CNOT1: variants seen among roughly 807,000 people sequenced by gnomAD.
CNOT1 encodes CCR4-associated factor 1.
A neutral mutation model predicts 273.8 loss-of-function variants in CNOT1; 15 were observed. The observed-to-expected ratio is 0.05, with a 90% CI of 0.04 to 0.08. The LOEUF (loss-of-function observed/expected upper bound fraction) is 0.08. Among genes scored for constraint, CNOT1 ranks in the 10% least tolerant of loss-of-function variants. CNOT1 has a pLI of 1.00. For synonymous variants in CNOT1, 1,022 were observed against 1,005.5 expected (o/e 1.02, Z -0.31); for missense variants, 1,644 against 2,912.2 (o/e 0.56, Z 10.02).
Position 58,617,594 on chromosome 16 carries a change from A to G in CNOT1, c.-175+12134T>C, listed in dbSNP as rs148670079. Among the ~76,000 whole-genome samples, 306 of 152,314 alleles carry G rather than the reference A, an allele frequency of 2.0e-3. 1 individual carries two copies. The highest frequency in any genetic ancestry group is 7.2e-3 in the African/African-American group (299 of 41,584). ...TAGTCTCAAGCATTTAAGATAAGCG[A>G]TATTCAACCTCTATCGCCAACAAAG... is the stretch of plus-strand genomic sequence containing the variant. On this transcript the variant is annotated intron_variant, in intron 1 of 48. Transcript: ENST00000317147.
At chr16:58,535,757 G>A (rs112764979) in intron 39 of CNOT1, among the ~76,000 whole-genome samples, 2,000 of 150,528 alleles carry the variant, frequency 0.013, 47 homozygotes, top group African/African-American at 0.047. Context: ...TTTTTGAGAC[G>A]GAGCCTCGCT....
intron 31 of CNOT1, chr16:58,543,272 C>T: frequency 6.5e-7 from 1 of 1,545,502 alleles, no homozygotes; most frequent in Non-Finnish European, 8.7e-7. Context: ...TATCGGCCTT[C>T]TCAAACAGCT....
chr16:58,583,861 A>T (rs1414659578), intron 8 of CNOT1, among the ~76,000 whole-genome samples: 1 of 151,882 alleles, frequency 6.6e-6, no homozygotes, highest in Admixed American at 6.6e-5. Flanking sequence ...TAAAACAGGC[A>T]AACAATTTTA....
chr16:58,565,647 T>A (rs983461247), intron 16 of CNOT1, among the ~76,000 whole-genome samples: 1 of 152,136 alleles, frequency 6.6e-6, no homozygotes, highest in African/African-American at 2.4e-5. Context: ...TTTATTTTTT[T>A]AAGTACAACT....
rs56149974 is a variant in CNOT1, at chr16:58,522,237, CAAAAAAAAAAAAAAA to C, written c.6918-935_6918-921del. On this transcript the variant is annotated intron_variant, in intron 47 of 48. Transcript: ENST00000317147. The stretch of plus-strand genomic sequence containing the variant: ...AGGAGGCGACAAAGCGAGACTGTCT[CAAAAAAAAAAAAAAA>C]AAAAAAAAAAAAAAAGCTAACATTG... Among the ~76,000 whole-genome samples the C allele has an allele frequency of 8.0e-3, 784 of 98,614 alleles. 9 individuals are homozygous for C. Among genetic ancestry groups the C allele is most frequent in the African/African-American group, 0.029 (677 of 23,662 alleles). The allele number at this position is 98,614 out of a possible 152,430, so 64.7% of individuals were successfully genotyped here.
intron 1 of CNOT1, among the ~76,000 whole-genome samples, chr16:58,624,275 T>C (rs1053204754): frequency 6.6e-6 from 1 of 152,146 alleles, no homozygotes; most frequent in African/African-American, 2.4e-5. Context: ...GCTTGCTTGA[T>C]GCGCAGGGGA....
chr16:58,596,381 T>C (rs1465684203), intron 2 of CNOT1, among the ~76,000 whole-genome samples: 1 of 152,190 alleles, frequency 6.6e-6, no homozygotes, highest in Non-Finnish European at 1.5e-5. Context: ...ATCTTCCTTA[T>C]CTTTCTCTGT....
rs750252179 is a variant in CNOT1, at chr16:58,587,427, A to C, written c.310-14T>G. Reference sequence around the variant, plus strand: ...AGGCTTTAAACTCTGAAACAAACCAAATTTTAGTTTAAAATAAGAACTTAC... The same window carrying C: ...AGGCTTTAAACTCTGAAACAAACCACATTTTAGTTTAAAATAAGAACTTAC... On this transcript the variant is annotated splice_polypyrimidine_tract_variant and intron_variant, in intron 4 of 48. Transcript: ENST00000317147. 1 of 1,610,974 alleles carries C rather than the reference A, an allele frequency of 6.2e-7. No individual in the cohort carries two copies. Among genetic ancestry groups the C allele is most frequent in the Non-Finnish European group, 8.5e-7 (1 of 1,179,584 alleles).
At position 58,575,120 on chromosome 16, in the gene CNOT1, T is replaced by A; in HGVS notation, c.1714A>T (p.Met572Leu). 6.2e-7 allele frequency: 1 copy of A among 1,613,746 alleles called. No homozygotes were observed. The highest frequency in any genetic ancestry group is 8.5e-7 in the Non-Finnish European group (1 of 1,179,950). Residue 572 changes from methionine (M) to leucine (L), a missense_variant, in exon 15 of 49, where the codon ATG becomes TTG. Transcript: ENST00000317147. ...DVAQDLKALS[M>L]LLNGTPFAFV... ...GCAAATGGAGTACCATTTAGCAGCA[T>A]TGACAAGGCCTAAAGGACAAAGCAC...
chr16:58,611,378 G>A (rs950041294), intron 1 of CNOT1, among the ~76,000 whole-genome samples: 7 of 151,962 alleles, frequency 4.6e-5, no homozygotes, highest in Admixed American at 6.6e-5. Flanking sequence ...ACAGGGAGCC[G>A]AGACCACGCC....
intron 1 of CNOT1, among the ~76,000 whole-genome samples, chr16:58,612,012 T>C (rs1431276861): frequency 6.7e-6 from 1 of 148,472 alleles, no homozygotes; most frequent in East Asian, 2.0e-4. Flanking sequence ...TTATCCAGGC[T>C]GGAGTCTAGT....
At chr16:58,542,915 G>A (rs1309585875) in intron 31 of CNOT1, among the ~76,000 whole-genome samples, 1 of 152,052 alleles carries the variant, frequency 6.6e-6, no homozygotes, top group African/African-American at 2.4e-5. Flanking sequence ...ACATGGTGAA[G>A]CCACTTCTCT....
At chr16:58,527,777 G>C (rs918710479) in intron 44 of CNOT1, 2 of 181,604 alleles carry the variant, frequency 1.1e-5, no homozygotes, top group African/African-American at 2.4e-5. Context: ...AATAGCAAGG[G>C]ACCAAGGAAC....
At chr16:58,550,375 C>A (rs1035534424) in intron 24 of CNOT1, among the ~76,000 whole-genome samples, 1 of 152,174 alleles carries the variant, frequency 6.6e-6, no homozygotes, top group African/African-American at 2.4e-5. Context: ...ATTAATACCT[C>A]CACTACCTCG....
At position 58,525,183 on chromosome 16, in the gene CNOT1, A is replaced by G; in HGVS notation, c.6780T>C (p.Thr2260=). The change falls in exon 46 of 49, where the codon ACT becomes ACC. Residue 2260 remains threonine (T), a synonymous_variant. Transcript: ENST00000317147. ...IFQNLAVDLD[T]EGRYLFLNAI... ...AAACTGGCAGGCTTCACTCACCCTCAGTGTCCAAGTCCACAGCCAAATTCT... is the reference window on the plus strand; with the variant it reads ...AAACTGGCAGGCTTCACTCACCCTCGGTGTCCAAGTCCACAGCCAAATTCT... 3 of 1,613,216 alleles carry G rather than the reference A, an allele frequency of 1.9e-6. No individual in the cohort carries two copies. Among genetic ancestry groups the G allele is most frequent in the Non-Finnish European group, 2.5e-6 (3 of 1,179,994 alleles).
At chr16:58,530,102 G>C (rs2039732855) in intron 43 of CNOT1, 144 bp downstream of exon 43, 1 of 582,916 alleles carries the variant, frequency 1.7e-6, no homozygotes, top group African/African-American at 1.9e-5. Context: ...TGCTAGTTAT[G>C]CAAGTACACT....
chr16:58,540,419 A>T (rs1421173687), intron 34 of CNOT1, among the ~76,000 whole-genome samples: 6 of 152,248 alleles, frequency 3.9e-5, no homozygotes, highest in Non-Finnish European at 8.8e-5. Flanking sequence ...AAAACACATT[A>T]CCTGAACCTA....
At chr16:58,598,397 CAAAAAA>C (rs869048108) in intron 2 of CNOT1, among the ~76,000 whole-genome samples, 7 of 86,462 alleles carry the variant, frequency 8.1e-5, no homozygotes, top group East Asian at 8.7e-4. Flanking sequence ...GACTCCATCT[CAAAAAA>C]AAAAAAAAAA....
intron 34 of CNOT1, among the ~76,000 whole-genome samples, chr16:58,541,050 C>G (rs1385240893): frequency 2.0e-5 from 3 of 151,936 alleles, no homozygotes; most frequent in Non-Finnish European, 4.4e-5. Context: ...ACAAAAAATA[C>G]AAAAATTAGC....
Sources: allele counts gnomAD v4.1 joint callset (sites outside exome capture counted in the v4.1 genomes callset), GRCh38; gene constraint gnomAD v4.1.1; transcripts MANE v1.5; gene names NCBI Gene and HGNC (gene_info 2026-07-23, HGNC 2026-07-21).